The following ZNF292 variants were observed in gnomAD, a reference collection of about 807,000 sequenced individuals.
ZNF292 encodes the protein 16 zinc-finger domain protein.
In ZNF292, 26 loss-of-function variants were observed where a neutral mutation model predicts 217.9. That is an observed-to-expected ratio of 0.12 (90% CI 0.09 to 0.17). ZNF292 has a LOEUF of 0.17. Among genes scored for constraint, ZNF292 ranks in the 10% least tolerant of loss-of-function variants. The probability of loss-of-function intolerance (pLI) is 1.00; values close to 1 mark genes in which losing one functional copy is unlikely to be tolerated. For synonymous variants in ZNF292, 1,257 were observed against 1,124.1 expected (o/e 1.12, Z -2.37); for missense variants, 2,904 against 3,175.2 (o/e 0.91, Z 2.05).
At chr6:87,237,355 C>T (rs997264302) in intron 5 of ZNF292, among the ~76,000 whole-genome samples, 1 of 152,046 alleles carries the variant, frequency 6.6e-6, no homozygotes, top group African/African-American at 2.4e-5. Flanking sequence ...ATTAATTTTG[C>T]CTCAGCCTCC....
intron 7 of ZNF292, among the ~76,000 whole-genome samples, chr6:87,252,580 T>G (rs1396080720): frequency 6.6e-6 from 1 of 152,226 alleles, no homozygotes; most frequent in Non-Finnish European, 1.5e-5. Flanking sequence ...GTGCCTTCAG[T>G]ATTACTTTTA....
chr6:87,185,330 C>A (rs907550568), intron 1 of ZNF292, among the ~76,000 whole-genome samples: 6 of 152,128 alleles, frequency 3.9e-5, no homozygotes, highest in Admixed American at 6.5e-5. Context: ...TTTTAGACTT[C>A]CGGGATTTTG....
chr6:87,202,437 G>A (rs569749948), intron 1 of ZNF292, among the ~76,000 whole-genome samples: 43 of 152,278 alleles, frequency 2.8e-4, no homozygotes, highest in African/African-American at 1.0e-3. Context: ...GTTCTTACGT[G>A]TGCATTGTCT....
In ZNF292 at chr6:87,162,961, A is replaced by G. The variant is rs1770799788; in HGVS notation, c.168+7202A>G. ...CTTTCATTAATATGTTTGTCAGCATACATACACTGTGACTTTTAACAATGT... is the reference window on the plus strand; with the variant it reads ...CTTTCATTAATATGTTTGTCAGCATGCATACACTGTGACTTTTAACAATGT... On this transcript the variant is annotated intron_variant, in intron 1 of 7. Coordinates refer to ENST00000369577, the MANE Select transcript of ZNF292 (RefSeq NM_015021.3). 2.6e-5 allele frequency among the ~76,000 whole-genome samples: 4 copies of G among 152,352 alleles called. No individual in the cohort carries two copies. In the South Asian group the frequency reaches 8.3e-4, roughly 32 times the overall value.
intron 4 of ZNF292, among the ~76,000 whole-genome samples, chr6:87,227,098 T>C (rs1773394652): frequency 6.6e-6 from 1 of 152,222 alleles, no homozygotes; most frequent in African/African-American, 2.4e-5. Context: ...TCATCTATGA[T>C]ATGAAATACT....
chr6:87,259,057 TCTC>T lies in ZNF292; in HGVS notation c.5430_5432del (p.Pro1811del). On this transcript the variant is annotated inframe_deletion, in exon 8 of 8. Coordinates refer to ENST00000369577, the MANE Select transcript of ZNF292 (RefSeq NM_015021.3). ...GCAAAATAACAAATTACCCGATTCT[TCTC>T]CGTTTTCCTCCTTTATAAGTGTCAT... 6.2e-6 allele frequency: 10 copies of T among 1,613,412 alleles called. No homozygotes were observed. The highest frequency in any genetic ancestry group is 8.5e-6 in the Non-Finnish European group (10 of 1,179,644).
At chr6:87,181,104 A>G (rs896126042) in intron 1 of ZNF292, among the ~76,000 whole-genome samples, 8 of 152,162 alleles carry the variant, frequency 5.3e-5, no homozygotes, top group Admixed American at 2.6e-4. Flanking sequence ...TGCCGTCTGC[A>G]GACGGCTTTG....
intron 1 of ZNF292, among the ~76,000 whole-genome samples, chr6:87,192,244 T>C (rs1431800058): frequency 4.6e-5 from 7 of 152,148 alleles, no homozygotes; most frequent in Non-Finnish European, 7.4e-5. Context: ...TCATTGGAAA[T>C]TTTGCTGTAT....
chr6:87,229,201 C>G (rs1773523001), intron 4 of ZNF292, among the ~76,000 whole-genome samples: 1 of 151,650 alleles, frequency 6.6e-6, no homozygotes, highest in South Asian at 2.1e-4. Flanking sequence ...TTCTTAATTT[C>G]CTTTTTGAAC....
chr6:87,157,614 C>T (rs924006309), intron 1 of ZNF292, among the ~76,000 whole-genome samples: 5 of 152,152 alleles, frequency 3.3e-5, no homozygotes, highest in African/African-American at 7.2e-5. Flanking sequence ...AAAATAGAAT[C>T]TCATGCAAGC....
rs1189376473 is a variant in ZNF292 at position 87,262,005 on chromosome 6, T to C, written c.*204T>C. On this transcript the variant is annotated 3_prime_UTR_variant, in exon 8 of 8. Transcript: ENST00000369577. ...TATGGGACTTGAGGAACAGAATCAG[T>C]ACTTCAGTTATTGTAAATAGTGAGC... 1.3e-5 allele frequency: 5 copies of C among 370,596 alleles called. No homozygotes were observed. In the East Asian group the frequency reaches 1.7e-4, roughly 13 times the overall value. 23.0% of individuals were successfully genotyped at this position (370,596 alleles called of 1,614,324 possible). A position where few individuals can be genotyped will look rare whatever the true frequency, so the allele number is the denominator to read the frequency against.
At chr6:87,223,650 T>G (rs1321903016) in intron 4 of ZNF292, 1 of 152,236 alleles carries the variant, frequency 6.6e-6, no homozygotes, top group African/African-American at 2.4e-5. Context: ...TGGCCTTATA[T>G]ATATTTATTT....
intron 1 of ZNF292, chr6:87,169,790 A>T: frequency 2.6e-6 from 1 of 381,154 alleles, no homozygotes; most frequent in Admixed American, 3.1e-5. Flanking sequence ...GGGACTACAG[A>T]TGTGCGCTAC....
At position 87,264,180 on chromosome 6, in the gene ZNF292, A is replaced by G. The variant is rs1208843143; in HGVS notation, c.*2379A>G. 1 of 152,186 alleles carries G rather than the reference A, an allele frequency of 6.6e-6. No homozygotes were observed. The highest frequency in any genetic ancestry group is 1.9e-4 in the East Asian group (1 of 5,206). 9.4% of individuals were successfully genotyped at this position (152,186 alleles called of 1,614,324 possible). On this transcript the variant is annotated 3_prime_UTR_variant, in exon 8 of 8. Transcript: ENST00000369577. ...TCTAAGTATTAAAAAATCATAAAAT[A>G]TATTTTTTTCATGGTATACTTTTCC...
chr6:87,214,797 C>T (rs1202787899), intron 1 of ZNF292, among the ~76,000 whole-genome samples: 1 of 152,126 alleles, frequency 6.6e-6, no homozygotes, highest in East Asian at 1.9e-4. Flanking sequence ...TACCAGCTTA[C>T]TTTTTCTATT....
intron 1 of ZNF292, among the ~76,000 whole-genome samples, chr6:87,199,657 A>G (rs1010179418): frequency 6.6e-6 from 1 of 152,088 alleles, no homozygotes; most frequent in Non-Finnish European, 1.5e-5. Context: ...ATGCATGTAG[A>G]TATTCAGTTG....
At chr6:87,166,522 A>C (rs1242441793) in intron 1 of ZNF292, among the ~76,000 whole-genome samples, 1 of 152,174 alleles carries the variant, frequency 6.6e-6, no homozygotes, top group Non-Finnish European at 1.5e-5. Context: ...CATCATAAAC[A>C]AGTAGTTTTT....
chr6:87,262,051 C>A lies in ZNF292; in HGVS notation c.*250C>A. On this transcript the variant is annotated 3_prime_UTR_variant, in exon 8 of 8. Transcript: ENST00000369577. ...TGAGCTAAACCTCAAATTTCTATCA[C>A]CCAGTTGCCCTTTTCATGAACTAAA... 1 of 269,116 alleles carries A rather than the reference C, an allele frequency of 3.7e-6. No individual in the cohort carries two copies. The highest frequency in any genetic ancestry group is 7.0e-6 in the Non-Finnish European group (1 of 142,950). The allele number at this position is 269,116 out of a possible 1,614,324, so 16.7% of individuals were successfully genotyped here.
chr6:87,155,660 G>T lies in ZNF292; in HGVS notation c.69G>T (p.Gln23His), dbSNP rs1770500909. The stretch of plus-strand genomic sequence containing the variant: ...AAGGCGGCTGCGTCGCGGAGCTGCA[G>T]CGCCTGGGCGAGCGGCTCCAGGAGC... ...CGEGGCVAEL[Q>H]RLGERLQELE... is the part of the protein sequence containing the mutation. The change falls in exon 1 of 8, where the codon CAG becomes CAT. Residue 23 changes from glutamine to histidine, a missense_variant. Around this residue, in one of 15 missense-constraint regions of ZNF292, gnomAD observed 66 missense variants for 44.1 expected, o/e 1.50. Coordinates refer to ENST00000369577, the MANE Select transcript of ZNF292 (RefSeq NM_015021.3). 2 of 1,584,376 alleles carry T rather than the reference G, an allele frequency of 1.3e-6. No homozygotes were observed. The highest frequency in any genetic ancestry group is 1.3e-5 in the African/African-American group (1 of 74,450).
Sources: gnomAD v4.1 joint callset for allele counts (sites outside exome capture counted in the v4.1 genomes callset) on GRCh38, gnomAD v4.1.1 for gene constraint, gnomAD v4.1.1 regional missense constraint, MANE v1.5 for transcripts, NCBI Gene and HGNC (gene_info 2026-07-23, HGNC 2026-07-21) for gene names.